Variants in FYTTD1 observed in about 807,000 individuals in gnomAD.
FYTTD1 encodes the protein UAP56-interacting factor.
In FYTTD1, 22 loss-of-function variants were observed where a neutral mutation model predicts 40.9. The observed-to-expected ratio is 0.54, with a 90% CI of 0.38 to 0.77. FYTTD1 has a LOEUF of 0.77. Among genes scored for constraint, FYTTD1 ranks in the 30% least tolerant of loss-of-function variants. FYTTD1 has a pLI of 0.00. For missense variants in FYTTD1, 351 were observed against 392.2 expected, an observed-to-expected ratio of 0.90 and a Z score of 0.89; for synonymous variants, 140 against 137.9, an observed-to-expected ratio of 1.01 and a Z score of -0.10.
chr3:197,767,033 C>T (rs555933283), intron 2 of FYTTD1, among the ~76,000 whole-genome samples: 165 of 151,480 alleles, frequency 1.1e-3, no homozygotes, highest in Non-Finnish European at 1.8e-3. Flanking sequence ...TTATGTGTTT[C>T]TAGGAATTCT....
intron 2 of FYTTD1, among the ~76,000 whole-genome samples, chr3:197,761,455 C>T (rs1159023794): frequency 1.0e-4 from 15 of 149,828 alleles, no homozygotes; most frequent in Admixed American, 1.0e-3. Flanking sequence ...ATAGAGTGTT[C>T]TTCAGTGGTA....
In FYTTD1 at chr3:197,767,601, ACTACAGGCATGTG is replaced by A. The variant is rs540818962; in HGVS notation, c.236-833_236-821del. 2.4e-3 allele frequency among the ~76,000 whole-genome samples: 363 copies of A among 152,174 alleles called. 2 individuals carry two copies. Among genetic ancestry groups the A allele is most frequent in the African/African-American group, 8.1e-3 (334 of 41,486 alleles). On this transcript the variant is annotated intron_variant, in intron 2 of 8. Coordinates refer to ENST00000241502, the MANE Select transcript of FYTTD1 (RefSeq NM_032288.7). ...CACCCCAGCCTCCTGAGTAGCTGGG[ACTACAGGCATGTG>A]CTACTATGCCCAACTAATTTTTAGA...
At chr3:197,771,469 C>T (rs1249507132) in intron 4 of FYTTD1, among the ~76,000 whole-genome samples, 1 of 152,064 alleles carries the variant, frequency 6.6e-6, no homozygotes, top group Non-Finnish European at 1.5e-5. Flanking sequence ...GGCAAAACCC[C>T]ATCTCTACTG....
intron 2 of FYTTD1, among the ~76,000 whole-genome samples, chr3:197,758,841 T>C (rs546483245): frequency 6.6e-6 from 1 of 152,302 alleles, no homozygotes; most frequent in African/African-American, 2.4e-5. Context: ...TAGCTTGAGG[T>C]AAGAGAAATA....
rs1730133921 is a variant in FYTTD1 at position 197,785,488 on chromosome 3, G to C, written c.*3579G>C. On this transcript the variant is annotated 3_prime_UTR_variant, in exon 9 of 9. Transcript: ENST00000241502. The stretch of plus-strand genomic sequence containing the variant: ...CTGAGGAAACAGGCCTCATTGCTCA[G>C]CAGTGAGTTTTTATTAGACTAGGTA... The C allele has an allele frequency of 1.3e-5, 2 of 152,108 alleles. No individual in the cohort carries two copies. The highest frequency in any genetic ancestry group is 1.3e-4 in the Admixed American group (2 of 15,272). 9.4% of individuals were successfully genotyped at this position (152,108 alleles called of 1,614,324 possible). A position where few individuals can be genotyped will look rare whatever the true frequency, so the allele number is the denominator to read the frequency against.
At chr3:197,752,554 T>C (rs981889954) in intron 1 of FYTTD1, among the ~76,000 whole-genome samples, 1 of 152,132 alleles carries the variant, frequency 6.6e-6, no homozygotes, top group South Asian at 2.1e-4. Flanking sequence ...ATACATACAC[T>C]GTATGTGTGT....
rs142578170 is a variant in FYTTD1, at chr3:197,762,862, G to A, written c.236-5577G>A. Among the ~76,000 whole-genome samples the A allele has an allele frequency of 9.5e-4, 145 of 151,994 alleles. 2 individuals are homozygous for A. The East Asian group carries it at 0.017, about 18-fold the overall frequency. On this transcript the variant is annotated intron_variant, in intron 2 of 8. Transcript: ENST00000241502. Reference sequence around the variant, plus strand: ...GCGGCCACTGCACTCCAGCCTGGGCGACAGAGTGAGACTCCGTCTCCAAAA... The same window carrying A: ...GCGGCCACTGCACTCCAGCCTGGGCAACAGAGTGAGACTCCGTCTCCAAAA...
Position 197,773,448 on chromosome 3 carries a change from T to C in FYTTD1, c.543T>C (p.Asn181=). Residue 181 remains asparagine, a synonymous_variant, in exon 5 of 9, where the codon AAT becomes AAC. Coordinates refer to ENST00000241502, the MANE Select transcript of FYTTD1 (RefSeq NM_032288.7). ...ANFTRSGNKL[N]HQKDTRQATF... is the part of the protein sequence containing the mutation. Reference sequence around the variant, plus strand: ...TTACCAGGAGTGGAAATAAATTAAATCATCAGAAAGATACTCGTCAGGCAA... The same window carrying C: ...TTACCAGGAGTGGAAATAAATTAAACCATCAGAAAGATACTCGTCAGGCAA... The C allele has an allele frequency of 6.2e-7, 1 of 1,604,206 alleles. No individual in the cohort carries two copies. The highest frequency in any genetic ancestry group is 8.5e-7 in the Non-Finnish European group (1 of 1,173,534).
At chr3:197,761,304 G>T (rs1289375873) in intron 2 of FYTTD1, among the ~76,000 whole-genome samples, 1 of 151,912 alleles carries the variant, frequency 6.6e-6, no homozygotes, top group East Asian at 1.9e-4. Flanking sequence ...GTGGTGGAAT[G>T]TATAGAGTTG....
intron 1 of FYTTD1, chr3:197,750,529 G>A: frequency 1.0e-6 from 1 of 985,880 alleles, no homozygotes; most frequent in African/African-American, 1.7e-5. Flanking sequence ...GGAGAGCCCG[G>A]CCGGGGCTGC....
intron 1 of FYTTD1, among the ~76,000 whole-genome samples, chr3:197,751,921 G>T (rs1729070465): frequency 6.6e-6 from 1 of 152,060 alleles, no homozygotes; most frequent in African/African-American, 2.4e-5. Flanking sequence ...GCCCAGGTTG[G>T]AGTGCAGTGG....
At chr3:197,758,550 A>G (rs1729276749) in intron 2 of FYTTD1, among the ~76,000 whole-genome samples, 2 of 152,220 alleles carry the variant, frequency 1.3e-5, no homozygotes, top group African/African-American at 4.8e-5. Flanking sequence ...ATCAGGAGTG[A>G]TTTAATGGAT....
At position 197,760,140 on chromosome 3, in the gene FYTTD1, A is replaced by G. The variant is rs916316236; in HGVS notation, c.235+3583A>G. Among the ~76,000 whole-genome samples the G allele has an allele frequency of 2.8e-5, 4 of 145,006 alleles. No individual in the cohort carries two copies. In the Admixed American group the frequency reaches 2.8e-4, roughly 10 times the overall value. ...AATGTTCCTCAGTGGTAGAACTTAT[A>G]GAGTGTTCCTCTGTGGTAGAACGTA... On this transcript the variant is annotated intron_variant, in intron 2 of 8. Transcript: ENST00000241502.
intron 1 of FYTTD1, among the ~76,000 whole-genome samples, chr3:197,756,224 C>A (rs1254064341): frequency 6.6e-6 from 1 of 152,126 alleles, no homozygotes; most frequent in Non-Finnish European, 1.5e-5. Flanking sequence ...TAAAGAAATA[C>A]TATGGCCAAT....
chr3:197,772,719 A>G (rs1729754895), intron 4 of FYTTD1, among the ~76,000 whole-genome samples: 1 of 152,096 alleles, frequency 6.6e-6, no homozygotes, highest in Non-Finnish European at 1.5e-5. Flanking sequence ...AGCAATTCTC[A>G]TGCTTCAGCC....
intron 2 of FYTTD1, among the ~76,000 whole-genome samples, chr3:197,764,324 A>G (rs1729475104): frequency 6.6e-6 from 1 of 152,222 alleles, no homozygotes; most frequent in South Asian, 2.1e-4. Flanking sequence ...TGAAAGGGTA[A>G]AGAATATAAT....
At chr3:197,773,988 C>A in intron 5 of FYTTD1, among the ~76,000 whole-genome samples, 161 bp from the exon 6 acceptor site, 1 of 148,150 alleles carries the variant, frequency 6.7e-6, no homozygotes, top group Admixed American at 7.1e-5. Context: ...GCTGCACTCA[C>A]GCACACGCCC....
intron 2 of FYTTD1, among the ~76,000 whole-genome samples, chr3:197,768,142 G>A (rs573519045): frequency 6.6e-6 from 1 of 152,202 alleles, no homozygotes; most frequent in South Asian, 2.1e-4. Flanking sequence ...CTACCATAAT[G>A]CACAGGTAAA....
rs1341098760 is a variant in FYTTD1, at chr3:197,750,008, G to A, written c.37G>A (p.Ala13Thr). ...TGGTACCCGGTTGGTGGGAGCCACG[G>A]CGACTTCTTCGCCGCCGCCGAAGGC... ...RFGTRLVGAT[A>T]TSSPPPKARS... The change falls in exon 1 of 9, where the codon GCG (alanine) becomes ACG (threonine). Residue 13 changes from alanine to threonine, a missense_variant. Physicochemically the swap from Ala to Thr is moderately conservative, Grantham distance 58 (BLOSUM62 0). Transcript: ENST00000241502. The A allele has an allele frequency of 4.4e-6, 7 of 1,585,274 alleles. No homozygotes were observed. Among genetic ancestry groups the A allele is most frequent in the Non-Finnish European group, 3.4e-6 (4 of 1,167,540 alleles).
Sources: allele counts gnomAD v4.1 joint callset (sites outside exome capture counted in the v4.1 genomes callset), GRCh38; gene constraint gnomAD v4.1.1; transcripts MANE v1.5; gene names NCBI Gene and HGNC (gene_info 2026-07-23, HGNC 2026-07-21).